FGD5: variants seen among roughly 807,000 people sequenced by gnomAD.
FGD5 encodes the protein FYVE, RhoGEF and PH domain-containing protein 5.
Under a neutral mutation model 133.4 loss-of-function variants are expected in FGD5, and 28 were observed. That is an observed-to-expected ratio of 0.21 (90% CI 0.16 to 0.29). FGD5 has a LOEUF of 0.29. FGD5 is among the 10% of genes least tolerant of loss of function. FGD5 has a pLI of 1.00. For synonymous variants in FGD5, 810 were observed against 776.5 expected (o/e 1.04, Z -0.72); for missense variants, 1,858 against 1,895.2 (o/e 0.98, Z 0.36).
chr3:14,824,454 C>T (rs2036565510), intron 1 of FGD5, among the ~76,000 whole-genome samples: 1 of 152,140 alleles, frequency 6.6e-6, no homozygotes, highest in African/African-American at 2.4e-5. Flanking sequence ...TGTCCTGCCC[C>T]ATACCTTGCT....
chr3:14,881,279 G>A (rs570342258), intron 4 of FGD5, among the ~76,000 whole-genome samples: 1 of 152,082 alleles, frequency 6.6e-6, no homozygotes, highest in Non-Finnish European at 1.5e-5. Context: ...CAGAGGAAAG[G>A]AGGCCAGACT....
chr3:14,843,434 C>G (rs2036963063), intron 1 of FGD5, among the ~76,000 whole-genome samples: 1 of 152,146 alleles, frequency 6.6e-6, no homozygotes, highest in African/African-American at 2.4e-5. Context: ...GGGCTGGGCA[C>G]CCCCTTCCCT....
chr3:14,844,217 AATATATATATATAT>A (rs869290486), intron 1 of FGD5, among the ~76,000 whole-genome samples: 218 of 20,342 alleles, frequency 0.011, 3 homozygotes, highest in African/African-American at 0.02. Flanking sequence ...AAAAAAAAAA[AATATATATATATAT>A]ATATATATAT....
intron 18 of FGD5, among the ~76,000 whole-genome samples, chr3:14,927,844 G>C (rs1444062893): frequency 6.6e-6 from 1 of 151,940 alleles, no homozygotes; most frequent in Non-Finnish European, 1.5e-5. Flanking sequence ...GTTCACTGCA[G>C]CTTTGAACTC....
At chr3:14,872,866 G>T (rs566679083) in intron 2 of FGD5, among the ~76,000 whole-genome samples, 1 of 152,184 alleles carries the variant, frequency 6.6e-6, no homozygotes, top group Non-Finnish European at 1.5e-5. Context: ...GGCTTAGTTA[G>T]TCAGTGTCTG....
chr3:14,868,734 G>GTCTGTATCT (rs1326880478), intron 2 of FGD5, among the ~76,000 whole-genome samples: 1 of 152,158 alleles, frequency 6.6e-6, no homozygotes, highest in Non-Finnish European at 1.5e-5. Context: ...CCTCTCTTCT[G>GTCTGTATCT]TCTGTATCTT....
At chr3:14,842,521 C>T (rs970790011) in intron 1 of FGD5, among the ~76,000 whole-genome samples, 5 of 152,186 alleles carry the variant, frequency 3.3e-5, no homozygotes, top group African/African-American at 4.8e-5. Flanking sequence ...TCGACATGCC[C>T]CTGGCCATGC....
At chr3:14,830,611 G>A (rs1446528168) in intron 1 of FGD5, among the ~76,000 whole-genome samples, 1 of 152,238 alleles carries the variant, frequency 6.6e-6, no homozygotes, top group Non-Finnish European at 1.5e-5. Flanking sequence ...TATTGTTGGA[G>A]TTCTTCGGTG....
In FGD5 at chr3:14,917,204, G is replaced by A; in HGVS notation, c.3406-45G>A. ...CCTTTGAGGACAGAAGCCTGGCGCAGCCTTCTGGGGCCAGGGTCCTCTCAT... is the reference window on the plus strand; with the variant it reads ...CCTTTGAGGACAGAAGCCTGGCGCAACCTTCTGGGGCCAGGGTCCTCTCAT... On this transcript the variant is annotated intron_variant, in intron 11 of 19. Coordinates refer to ENST00000285046, the MANE Select transcript of FGD5 (RefSeq NM_152536.4). This position sits in a 1 kb window ranked among gnomAD's most constrained non-coding sequence, Gnocchi z 4.1. The A allele has an allele frequency of 3.2e-6, 5 of 1,564,870 alleles. No individual in the cohort carries two copies. The highest frequency in any genetic ancestry group is 4.4e-6 in the Non-Finnish European group (5 of 1,145,744).
intron 4 of FGD5, 26 bp from the exon 5 acceptor site, chr3:14,897,482 TG>T: frequency 6.3e-7 from 1 of 1,593,054 alleles, no homozygotes; most frequent in Admixed American, 1.8e-5. Context: ...TATCAACCTG[TG>T]GGTAACAGAC....
intron 18 of FGD5, 25 bp downstream of exon 18, chr3:14,926,223 CCT>C: frequency 4.3e-6 from 7 of 1,611,198 alleles, no homozygotes; most frequent in Non-Finnish European, 5.9e-6. Flanking sequence ...CACTCTCTCC[CCT>C]CTCCTCTCTC....
At chr3:14,903,069 T>A (rs567966134) in intron 9 of FGD5, among the ~76,000 whole-genome samples, 17 of 152,252 alleles carry the variant, frequency 1.1e-4, no homozygotes, top group Non-Finnish European at 1.8e-4. Context: ...GGACATTTAC[T>A]CTTTTGCAGT....
chr3:14,907,724 A>C lies in FGD5; in HGVS notation c.3336+13A>C. On this transcript the variant is annotated intron_variant, in intron 10 of 19. Coordinates refer to ENST00000285046, the MANE Select transcript of FGD5 (RefSeq NM_152536.4). ...CCAGCCAGGAAGGGTGAGTGCCGCC[A>C]CCATGGGTAGGGGCAGAGGGTGGCT... 1 of 1,612,872 alleles carries C rather than the reference A, an allele frequency of 6.2e-7. No individual in the cohort carries two copies. Among genetic ancestry groups the C allele is most frequent in the South Asian group, 1.1e-5 (1 of 90,936 alleles).
At position 14,876,143 on chromosome 3, in the gene FGD5, A is replaced by G. The variant is rs535123503; in HGVS notation, c.2659-4429A>G. 9.9e-4 allele frequency among the ~76,000 whole-genome samples: 151 copies of G among 152,044 alleles called. 1 individual carries two copies. Among genetic ancestry groups the G allele is most frequent in the African/African-American group, 3.6e-3 (149 of 41,482 alleles). On this transcript the variant is annotated intron_variant, in intron 2 of 19. Coordinates refer to ENST00000285046, the MANE Select transcript of FGD5 (RefSeq NM_152536.4). ...GACATGGTGGGGAAGGATTGTGTGGACCCTGGGCATACTTGGGGACCATCC... is the reference window on the plus strand; with the variant it reads ...GACATGGTGGGGAAGGATTGTGTGGGCCCTGGGCATACTTGGGGACCATCC...
Position 14,897,598 on chromosome 3 carries a change from G to T in FGD5, c.2838G>T (p.Leu946=). 1.2e-6 allele frequency: 2 copies of T among 1,605,276 alleles called. No individual in the cohort carries two copies. Among genetic ancestry groups the T allele is most frequent in the East Asian group, 2.2e-5 (1 of 44,506 alleles). Residue 946 remains leucine, a synonymous_variant, in exon 5 of 20, where the codon CTG becomes CTT. Coordinates refer to ENST00000285046, the MANE Select transcript of FGD5 (RefSeq NM_152536.4). ...CCCGGGAGGAGCTGAGGCAGGGCCT[G>T]AGTGAACTCCCAGCCATCCACGACC... The part of the protein sequence containing the change: ...TLAREELRQG[L]SELPAIHDLH...
intron 2 of FGD5, among the ~76,000 whole-genome samples, chr3:14,874,258 C>G (rs1410347065): frequency 6.6e-6 from 1 of 152,168 alleles, no homozygotes; most frequent in Non-Finnish European, 1.5e-5. Context: ...GTGGCTCATG[C>G]CTGTGTTCCC....
intron 1 of FGD5, among the ~76,000 whole-genome samples, chr3:14,822,816 T>C (rs979594834): frequency 1.3e-5 from 2 of 152,200 alleles, no homozygotes; most frequent in Non-Finnish European, 2.9e-5. Context: ...TACTCAGCTG[T>C]TGCTGCTAGG....
chr3:14,854,274 T>G (rs2125096838), intron 1 of FGD5, among the ~76,000 whole-genome samples: 1 of 152,240 alleles, frequency 6.6e-6, no homozygotes, highest in South Asian at 2.1e-4. Context: ...CCAGGTAAAC[T>G]TATTGAGTGG....
chr3:14,914,078 T>C (rs988141755), intron 11 of FGD5, among the ~76,000 whole-genome samples: 1 of 152,212 alleles, frequency 6.6e-6, no homozygotes, highest in Non-Finnish European at 1.5e-5. Context: ...TTCCTCTGGC[T>C]CAGCGCAGCC....
Sources: gnomAD v4.1 joint callset for allele counts (sites outside exome capture counted in the v4.1 genomes callset) on GRCh38, gnomAD v4.1.1 for gene constraint, Gnocchi (gnomAD v3.1) non-coding constraint, MANE v1.5 for transcripts, NCBI Gene and HGNC (gene_info 2026-07-23, HGNC 2026-07-21) for gene names.